The following CFAP61 variants were observed in gnomAD, a reference collection of about 807,000 sequenced individuals.
CFAP61 encodes cilia- and flagella-associated protein 61.
A neutral mutation model predicts 135.6 loss-of-function variants in CFAP61; 107 were observed. That is an observed-to-expected ratio of 0.79 (90% CI 0.67 to 0.93). The LOEUF is 0.93. Ranked by LOEUF, CFAP61 falls within the 40% of genes least tolerant of loss-of-function variation. The pLI is 0.00. For synonymous variants in CFAP61, 575 were observed against 578.5 expected, an observed-to-expected ratio of 0.99 and a Z score of 0.09; for missense variants, 1,507 against 1,556.2, an observed-to-expected ratio of 0.97 and a Z score of 0.53.
intron 10 of CFAP61, among the ~76,000 whole-genome samples, chr20:20,160,532 T>C (rs1423438775): frequency 6.6e-6 from 1 of 152,012 alleles, no homozygotes; most frequent in Non-Finnish European, 1.5e-5. Flanking sequence ...TTCTCCTTAC[T>C]GAATTAAGTG....
chr20:20,244,241 G>A (rs1013611170), intron 18 of CFAP61, among the ~76,000 whole-genome samples: 5 of 152,182 alleles, frequency 3.3e-5, no homozygotes, highest in African/African-American at 1.2e-4. Context: ...GCCCCAGTAG[G>A]GACTCTGTGT....
intron 22 of CFAP61, among the ~76,000 whole-genome samples, chr20:20,288,051 A>C (rs6035595): frequency 6.6e-6 from 1 of 152,134 alleles, no homozygotes; most frequent in African/African-American, 2.4e-5. Context: ...GCAGGAAGCA[A>C]CAAGGCAGGA....
At chr20:20,056,457 G>A (rs569873927) in intron 1 of CFAP61, among the ~76,000 whole-genome samples, 161 bp from the exon 2 acceptor site, 40 of 152,296 alleles carry the variant, frequency 2.6e-4, no homozygotes, top group African/African-American at 9.4e-4. Flanking sequence ...ATGGAGGAAC[G>A]TCAGCTGGTT....
chr20:20,288,537 G>A, intron 22 of CFAP61, 72 bp from the exon 23 acceptor site: 1 of 1,175,754 alleles, frequency 8.5e-7, no homozygotes. Flanking sequence ...ATGCCCTGGA[G>A]ACTAGTCACA....
chr20:20,251,885 C>A, intron 20 of CFAP61, 122 bp downstream of exon 20: 1 of 1,055,862 alleles, frequency 9.5e-7, no homozygotes, highest in Non-Finnish European at 1.4e-6. Flanking sequence ...ACAGCTGCTG[C>A]TCTAAATTCA....
intron 25 of CFAP61, among the ~76,000 whole-genome samples, chr20:20,306,889 G>C (rs947647262): frequency 6.6e-6 from 1 of 152,218 alleles, no homozygotes; most frequent in African/African-American, 2.4e-5. Context: ...AGAAGACCGT[G>C]CTGAAATGTG....
At chr20:20,356,451 G>C (rs2059170921) in intron 26 of CFAP61, among the ~76,000 whole-genome samples, 3 of 151,266 alleles carry the variant, frequency 2.0e-5, no homozygotes, top group Non-Finnish European at 3.0e-5. Context: ...TGGTCACAGT[G>C]TGAGGGGAGG....
intron 14 of CFAP61, 150 bp from the exon 15 acceptor site, chr20:20,191,192 G>A (rs969757899): frequency 2.1e-6 from 1 of 481,760 alleles, no homozygotes; most frequent in African/African-American, 1.9e-5. Context: ...CATAGGGAAG[G>A]CGTTTAACTT....
intron 24 of CFAP61, among the ~76,000 whole-genome samples, chr20:20,291,119 C>A (rs1280896450): frequency 6.6e-6 from 1 of 152,148 alleles, no homozygotes; most frequent in Non-Finnish European, 1.5e-5. Flanking sequence ...ACATCCCCCA[C>A]CAGTGATATA....
intron 22 of CFAP61, among the ~76,000 whole-genome samples, chr20:20,285,280 G>GT (rs74180987): frequency 0.4 from 57,613 of 143,248 alleles, 11,786 homozygotes; most frequent in South Asian, 0.5. Context: ...AGCATGGTTT[G>GT]TTTTTTTTGT....
rs1320871996 is a variant in CFAP61 at position 20,288,935 on chromosome 20, A to G, written c.3123A>G (p.Gln1041=). The change falls in exon 23 of 27, where the codon CAA becomes CAG. Residue 1041 remains glutamine (Q), a splice_region_variant and synonymous_variant. Coordinates refer to ENST00000245957, the MANE Select transcript of CFAP61 (RefSeq NM_015585.4). Reference sequence around the variant, plus strand: ...CCATGTACAAGGGAGCCAAGATTCAAGGTATACGAGTAGGCTTCCTTCTCC... The same window carrying G: ...CCATGTACAAGGGAGCCAAGATTCAGGGTATACGAGTAGGCTTCCTTCTCC... ...LIPMYKGAKI[Q]GGILPGSYHY... is the part of the protein sequence containing the mutation. The G allele has an allele frequency of 6.2e-7, 1 of 1,602,748 alleles. No individual in the cohort carries two copies. Among genetic ancestry groups the G allele is most frequent in the Admixed American group, 1.7e-5 (1 of 59,712 alleles).
At chr20:20,252,602 T>C (rs1458336445) in intron 20 of CFAP61, among the ~76,000 whole-genome samples, 1 of 152,214 alleles carries the variant, frequency 6.6e-6, no homozygotes, top group Non-Finnish European at 1.5e-5. Context: ...TTGTATATTT[T>C]ATGTGTGGTC....
intron 24 of CFAP61, among the ~76,000 whole-genome samples, chr20:20,297,102 T>G (rs985580985): frequency 6.6e-6 from 1 of 152,140 alleles, no homozygotes; most frequent in African/African-American, 2.4e-5. Flanking sequence ...CTCCTGTATA[T>G]CTCACCTTGT....
chr20:20,325,622 A>G (rs6106234), intron 25 of CFAP61, among the ~76,000 whole-genome samples: 31,438 of 152,144 alleles, frequency 0.21, 4,408 homozygotes, highest in African/African-American at 0.38. Flanking sequence ...TTCACCTACT[A>G]AAATATATAT....
At chr20:20,285,671 A>C (rs2054531829) in intron 22 of CFAP61, among the ~76,000 whole-genome samples, 1 of 152,158 alleles carries the variant, frequency 6.6e-6, no homozygotes, top group Admixed American at 6.5e-5. Flanking sequence ...TAAACCTAGC[A>C]CTTTGGGAGG....
At chr20:20,324,771 C>T (rs962009553) in intron 25 of CFAP61, among the ~76,000 whole-genome samples, 11 of 152,112 alleles carry the variant, frequency 7.2e-5, no homozygotes, top group Admixed American at 7.2e-4. Context: ...AAGTGTATCT[C>T]TCATTGTACT....
Position 20,117,216 on chromosome 20 carries a change from C to T in CFAP61, c.859+18402C>T, listed in dbSNP as rs371303089. On this transcript the variant is annotated intron_variant, in intron 8 of 26. Transcript: ENST00000245957. ...AAAATTAGCCAGGTATAGTGGCACA[C>T]GCCTGTAGTACCAGCTACTTGGGAG... 4.6e-5 allele frequency among the ~76,000 whole-genome samples: 7 copies of T among 152,040 alleles called. No individual in the cohort carries two copies. In the East Asian group the frequency reaches 1.2e-3, roughly 25 times the overall value.
intron 7 of CFAP61, among the ~76,000 whole-genome samples, chr20:20,096,622 T>A (rs922314086): frequency 6.6e-6 from 1 of 152,228 alleles, no homozygotes; most frequent in Non-Finnish European, 1.5e-5. Flanking sequence ...TAGAAGGACA[T>A]CTCCATGTGA....
chr20:20,281,585 T>C (rs139521745), intron 22 of CFAP61, among the ~76,000 whole-genome samples: 1 of 152,328 alleles, frequency 6.6e-6, no homozygotes, highest in East Asian at 1.9e-4. Flanking sequence ...CAGCCTTATA[T>C]CTCTGGAATG....
Sources: gnomAD v4.1 joint callset for allele counts (sites outside exome capture counted in the v4.1 genomes callset) on GRCh38, gnomAD v4.1.1 for gene constraint, MANE v1.5 for transcripts, NCBI Gene and HGNC (gene_info 2026-07-23, HGNC 2026-07-21) for gene names.